Variants in PKP4 observed in about 807,000 individuals in gnomAD.
PKP4 encodes the protein plakophilin 4.
In PKP4, 90 loss-of-function variants were observed where a neutral mutation model predicts 145.1. That is an observed-to-expected ratio of 0.62 (90% CI 0.52 to 0.74). The LOEUF (loss-of-function observed/expected upper bound fraction) is 0.74, where lower values mean the gene tolerates loss of function less well. Among genes scored for constraint, PKP4 ranks in the 30% least tolerant of loss-of-function variants. The probability of loss-of-function intolerance (pLI) is 0.00; values close to 1 mark genes in which losing one functional copy is unlikely to be tolerated. For synonymous variants in PKP4, 563 were observed against 577.2 expected, an observed-to-expected ratio of 0.98 and a Z score of 0.35; for missense variants, 1,340 against 1,482.7, an observed-to-expected ratio of 0.90 and a Z score of 1.58.
intron 2 of PKP4, among the ~76,000 whole-genome samples, chr2:158,570,621 A>T (rs2047340579): frequency 6.6e-6 from 1 of 152,232 alleles, no homozygotes; most frequent in East Asian, 1.9e-4. Context: ...ACTGGAACTA[A>T]GTACTTTCCT....
At chr2:158,629,113 A>T (rs1265956744) in intron 7 of PKP4, among the ~76,000 whole-genome samples, 1 of 152,202 alleles carries the variant, frequency 6.6e-6, no homozygotes, top group Non-Finnish European at 1.5e-5. Context: ...ATAATGAGAA[A>T]TTGGCCAGTG....
At chr2:158,632,701 C>T (rs1050740111) in intron 8 of PKP4, 2 of 152,034 alleles carry the variant, frequency 1.3e-5, no homozygotes, top group Non-Finnish European at 2.9e-5. Context: ...CAATAATAAC[C>T]CCTCAAAGGT....
chr2:158,678,303 C>T (rs2058190564), intron 20 of PKP4, among the ~76,000 whole-genome samples: 1 of 152,208 alleles, frequency 6.6e-6, no homozygotes, highest in Non-Finnish European at 1.5e-5. Flanking sequence ...TGAGCAGGAA[C>T]CTTTGCGCAT....
chr2:158,617,225 A>G (rs1004756877), intron 4 of PKP4, among the ~76,000 whole-genome samples: 6 of 152,154 alleles, frequency 3.9e-5, no homozygotes, highest in African/African-American at 1.2e-4. Flanking sequence ...AGCTTGTTCA[A>G]TTTCTGTATT....
intron 1 of PKP4, among the ~76,000 whole-genome samples, chr2:158,482,241 A>G (rs1461063442): frequency 6.6e-6 from 1 of 152,228 alleles, no homozygotes; most frequent in African/African-American, 2.4e-5. Flanking sequence ...AGTTCAGTCA[A>G]GTAGTGCTAA....
chr2:158,536,494 T>G lies in PKP4; in HGVS notation c.132+3178T>G, dbSNP rs1012262300. Among the ~76,000 whole-genome samples, 39 of 152,160 alleles carry G rather than the reference T, an allele frequency of 2.6e-4. 1 individual carries two copies. The highest frequency in any genetic ancestry group is 4.4e-5 in the Non-Finnish European group (3 of 68,030). On this transcript the variant is annotated intron_variant, in intron 2 of 21. Transcript: ENST00000389759. ...CCTCACACATACTCCCCTTGGGCAA[T>G]TCATGGTAAGTGGTAGGAAAGGAAA...
At chr2:158,619,331 G>A (rs893089780) in intron 4 of PKP4, among the ~76,000 whole-genome samples, 1 of 152,138 alleles carries the variant, frequency 6.6e-6, no homozygotes, top group Non-Finnish European at 1.5e-5. Flanking sequence ...AATCTTTGTT[G>A]AAATTCCAAA....
At chr2:158,605,545 C>T (rs16843071) in intron 4 of PKP4, among the ~76,000 whole-genome samples, 4,614 of 152,178 alleles carry the variant, frequency 0.03, 158 homozygotes, top group African/African-American at 0.082. Flanking sequence ...AAATTTGGCA[C>T]ACATGCATGT....
Position 158,505,489 on chromosome 2 carries a change from G to C in PKP4, c.-5-27691G>C, listed in dbSNP as rs17493113. Among the ~76,000 whole-genome samples, 94 of 152,268 alleles carry C rather than the reference G, an allele frequency of 6.2e-4. 1 individual carries two copies. The Middle Eastern group carries it at 0.02, about 33-fold the overall frequency. Reference sequence around the variant, plus strand: ...CTCCGAGGCCCAGGTTTTTCCTCCTGTACTGTGCTGCCTGCTGACAGCTGT... The same window carrying C: ...CTCCGAGGCCCAGGTTTTTCCTCCTCTACTGTGCTGCCTGCTGACAGCTGT... On this transcript the variant is annotated intron_variant, in intron 1 of 21. Transcript: ENST00000389759.
chr2:158,621,740 C>T (rs1182683054), intron 6 of PKP4, among the ~76,000 whole-genome samples: 12 of 145,256 alleles, frequency 8.3e-5, no homozygotes, highest in Non-Finnish European at 1.0e-4. Context: ...AGCGAGACTC[C>T]GTCTCAAAAC....
At chr2:158,512,950 G>T (rs967325263) in intron 1 of PKP4, among the ~76,000 whole-genome samples, 1 of 152,202 alleles carries the variant, frequency 6.6e-6, no homozygotes, top group Admixed American at 6.5e-5. Context: ...TCTTGTCAAA[G>T]GTGAAGATGT....
At chr2:158,636,258 C>T (rs557530205) in intron 9 of PKP4, among the ~76,000 whole-genome samples, 13 of 151,878 alleles carry the variant, frequency 8.6e-5, no homozygotes, top group African/African-American at 3.1e-4. Flanking sequence ...AAATATTTCA[C>T]TTGTTTTTTT....
At chr2:158,619,271 T>A (rs2051959558) in intron 4 of PKP4, among the ~76,000 whole-genome samples, 2 of 152,236 alleles carry the variant, frequency 1.3e-5, no homozygotes, top group Admixed American at 1.3e-4. Context: ...AGCCTGACAG[T>A]GACTCAGCTC....
rs2048106395 is a variant in PKP4 at position 158,579,066 on chromosome 2, GAT to G, written c.245+1684_245+1685del. On this transcript the variant is annotated intron_variant, in intron 3 of 21. Transcript: ENST00000389759. Reference sequence around the variant, plus strand: ...AGCCATGTCCTTTAAAGGACCCCATGATTAGCAAACCCCAGGCTTCTATCATA... The same window carrying G: ...AGCCATGTCCTTTAAAGGACCCCATGTAGCAAACCCCAGGCTTCTATCATA... Among the ~76,000 whole-genome samples, 3 of 152,316 alleles carry G rather than the reference GAT, an allele frequency of 2.0e-5. No homozygotes were observed. In the South Asian group the frequency reaches 6.2e-4, roughly 32 times the overall value.
intron 2 of PKP4, among the ~76,000 whole-genome samples, chr2:158,544,836 T>G (rs924293674): frequency 1.3e-5 from 2 of 152,172 alleles, no homozygotes; most frequent in African/African-American, 4.8e-5. Flanking sequence ...GGCCCTTTTT[T>G]AACTGCAGGT....
At chr2:158,545,710 T>C (rs958387031) in intron 2 of PKP4, among the ~76,000 whole-genome samples, 6 of 152,342 alleles carry the variant, frequency 3.9e-5, no homozygotes, top group African/African-American at 1.4e-4. Flanking sequence ...TAGTTATTCC[T>C]AATTGTAAAC....
intron 1 of PKP4, among the ~76,000 whole-genome samples, chr2:158,494,319 T>G (rs888613497): frequency 6.6e-6 from 1 of 152,120 alleles, no homozygotes; most frequent in Non-Finnish European, 1.5e-5. Context: ...ATGTGACCTT[T>G]ATATAGTCTT....
At chr2:158,509,382 TCAGAA>T (rs1483284586) in intron 1 of PKP4, among the ~76,000 whole-genome samples, 3 of 152,212 alleles carry the variant, frequency 2.0e-5, no homozygotes, top group African/African-American at 7.2e-5. Context: ...TTTCATCAAA[TCAGAA>T]CAGATATCTA....
intron 1 of PKP4, among the ~76,000 whole-genome samples, chr2:158,505,222 A>T (rs1249385912): frequency 6.6e-6 from 1 of 152,220 alleles, no homozygotes; most frequent in Non-Finnish European, 1.5e-5. Context: ...GAGTTCTGCC[A>T]TAGGCATGCT....
Sources: gnomAD v4.1 joint callset for allele counts (sites outside exome capture counted in the v4.1 genomes callset) on GRCh38, gnomAD v4.1.1 for gene constraint, MANE v1.5 for transcripts, NCBI Gene and HGNC (gene_info 2026-07-23, HGNC 2026-07-21) for gene names.